The following TRUB1 variants were observed in gnomAD, a reference collection of about 807,000 sequenced individuals.
TRUB1 encodes the protein TruB pseudouridine synthase family member 1.
In TRUB1, 23 loss-of-function variants were observed where a neutral mutation model predicts 33.9. The observed-to-expected ratio is 0.68, with a 90% CI of 0.49 to 0.96. The LOEUF is 0.96. Among genes scored for constraint, TRUB1 ranks in the 40% least tolerant of loss-of-function variants. The probability of loss-of-function intolerance (pLI) is 0.00; values close to 1 mark genes in which losing one functional copy is unlikely to be tolerated. For synonymous variants in TRUB1, 163 were observed against 165.4 expected (o/e 0.99, Z 0.11); for missense variants, 378 against 422.2 (o/e 0.90, Z 0.92).
chr10:114,951,345 A>G (rs1006876145), intron 3 of TRUB1, among the ~76,000 whole-genome samples, 196 bp downstream of exon 3: 2 of 152,224 alleles, frequency 1.3e-5, no homozygotes, highest in Non-Finnish European at 2.9e-5. Context: ...TGAAAAACCA[A>G]TTAGACTTAA....
At chr10:114,974,545 A>G (rs1261976457) in intron 7 of TRUB1, among the ~76,000 whole-genome samples, 160 bp downstream of exon 7, 3 of 152,166 alleles carry the variant, frequency 2.0e-5, no homozygotes, top group African/African-American at 4.8e-5. Context: ...CTGGCTTGCA[A>G]TTATCAGCCT....
chr10:114,948,714 T>C (rs1263316192), intron 2 of TRUB1, among the ~76,000 whole-genome samples: 1 of 152,220 alleles, frequency 6.6e-6, no homozygotes, highest in Non-Finnish European at 1.5e-5. Context: ...GCTGGGTAAC[T>C]CTAAGATGGC....
At chr10:114,957,670 C>T (rs1277871938) in intron 3 of TRUB1, among the ~76,000 whole-genome samples, 1 of 152,150 alleles carries the variant, frequency 6.6e-6, no homozygotes, top group East Asian at 1.9e-4. Context: ...AGGGAAGTGG[C>T]ATATGTGCCC....
intron 5 of TRUB1, among the ~76,000 whole-genome samples, 188 bp from the exon 6 acceptor site, chr10:114,971,947 A>G (rs916699634): frequency 3.3e-5 from 5 of 152,216 alleles, no homozygotes; most frequent in East Asian, 1.9e-4. Context: ...AACTCTATCC[A>G]TGACAGCATT....
At chr10:114,950,348 A>T (rs1015102601) in intron 2 of TRUB1, among the ~76,000 whole-genome samples, 5 of 152,246 alleles carry the variant, frequency 3.3e-5, no homozygotes, top group African/African-American at 1.2e-4. Flanking sequence ...GTTTACTCTT[A>T]TAATTCTGAA....
chr10:114,950,530 A>G (rs182945837), intron 2 of TRUB1, among the ~76,000 whole-genome samples: 211 of 152,344 alleles, frequency 1.4e-3, no homozygotes, highest in Non-Finnish European at 2.3e-3. Flanking sequence ...AGAGAAAGGT[A>G]GGCCATTGTT....
intron 4 of TRUB1, among the ~76,000 whole-genome samples, chr10:114,967,773 G>A (rs6585308): frequency 0.51 from 77,492 of 152,020 alleles, 23,671 homozygotes; most frequent in African/African-American, 0.87. Flanking sequence ...TCATAAGAAC[G>A]ATTATTATTA....
At chr10:114,970,305 C>T in intron 4 of TRUB1, 63 bp from the exon 5 acceptor site, 2 of 1,137,330 alleles carry the variant, frequency 1.8e-6, no homozygotes, top group Non-Finnish European at 2.6e-6. Context: ...GCTGTTGGTG[C>T]TGTGAAAATA....
At chr10:114,970,507 T>G in intron 5 of TRUB1, 67 bp downstream of exon 5, 1 of 1,193,220 alleles carries the variant, frequency 8.4e-7, no homozygotes, top group East Asian at 2.3e-5. Context: ...ATCACTCTAG[T>G]TAAAATACAC....
intron 2 of TRUB1, among the ~76,000 whole-genome samples, chr10:114,948,257 A>AG (rs1165311749): frequency 1.3e-5 from 2 of 152,142 alleles, no homozygotes; most frequent in African/African-American, 4.8e-5. Flanking sequence ...TTTCTTTTAT[A>AG]AGCTGCTCAT....
At chr10:114,941,315 A>G (rs540637787) in intron 1 of TRUB1, among the ~76,000 whole-genome samples, 1 of 151,472 alleles carries the variant, frequency 6.6e-6, no homozygotes, top group South Asian at 2.1e-4. Flanking sequence ...AAGTACTTTC[A>G]AGTAACATTA....
At chr10:114,951,467 T>C (rs1053587764) in intron 3 of TRUB1, among the ~76,000 whole-genome samples, 20 of 152,218 alleles carry the variant, frequency 1.3e-4, no homozygotes, top group Non-Finnish European at 2.4e-4. Flanking sequence ...TGACAGACTT[T>C]TTTAAACCTT....
chr10:114,955,210 C>T (rs966891851), intron 3 of TRUB1, among the ~76,000 whole-genome samples: 1 of 152,132 alleles, frequency 6.6e-6, no homozygotes, highest in East Asian at 1.9e-4. Flanking sequence ...CGTTGCTTAC[C>T]TAGAGGAGGG....
chr10:114,962,547 A>C (rs1369618131), intron 4 of TRUB1, among the ~76,000 whole-genome samples: 1 of 152,248 alleles, frequency 6.6e-6, no homozygotes, highest in African/African-American at 2.4e-5. Context: ...ACTTTAGCCA[A>C]CATCAGTTGT....
At chr10:114,967,699 T>C (rs1000491323) in intron 4 of TRUB1, among the ~76,000 whole-genome samples, 2 of 152,242 alleles carry the variant, frequency 1.3e-5, no homozygotes, top group Non-Finnish European at 2.9e-5. Context: ...TTGGATATAT[T>C]TACTGTGGAC....
intron 1 of TRUB1, among the ~76,000 whole-genome samples, chr10:114,942,000 G>A (rs2084189455): frequency 6.6e-6 from 1 of 151,444 alleles, no homozygotes; most frequent in African/African-American, 2.4e-5. Context: ...TAGCCAGGAT[G>A]GTCTCAATCT....
chr10:114,947,052 G>A (rs1482125587), intron 2 of TRUB1, among the ~76,000 whole-genome samples: 2 of 152,176 alleles, frequency 1.3e-5, no homozygotes, highest in Non-Finnish European at 2.9e-5. Context: ...TGGAAGAGGA[G>A]GCAGAAGAGA....
chr10:114,971,994 T>A (rs1225336507), intron 5 of TRUB1, 141 bp from the exon 6 acceptor site: 8 of 919,968 alleles, frequency 8.7e-6, no homozygotes, highest in African/African-American at 8.5e-5. Context: ...ATTCATTTTT[T>A]AGAAGGATTT....
rs2084169772 is a variant in TRUB1, at chr10:114,938,415, C to A, written c.162C>A (p.Ala54=). 1 of 1,600,448 alleles carries A rather than the reference C, an allele frequency of 6.2e-7. No homozygotes were observed. Among genetic ancestry groups the A allele is most frequent in the Admixed American group, 1.8e-5 (1 of 56,928 alleles). ...CCGCGGCCAGGACCGGATCCGAAGC[C>A]AGGGTCTCCAAGGCCGCTTTGGCTA... The part of the protein sequence containing the change: ...VAAAARTGSE[A]RVSKAALATK... Residue 54 remains alanine, a synonymous_variant, in exon 1 of 8, where the codon GCC becomes GCA. Coordinates refer to ENST00000298746, the MANE Select transcript of TRUB1 (RefSeq NM_139169.5).
Sources: allele counts gnomAD v4.1 joint callset (sites outside exome capture counted in the v4.1 genomes callset), GRCh38; gene constraint gnomAD v4.1.1; transcripts MANE v1.5; gene names NCBI Gene and HGNC (gene_info 2026-07-23, HGNC 2026-07-21).